The following ARHGEF10L variants were observed in gnomAD, a reference collection of about 807,000 sequenced individuals.
ARHGEF10L encodes rho guanine nucleotide exchange factor 10-like protein.
ARHGEF10L carries 69 observed loss-of-function variants against 141.2 expected under a neutral mutation model. The observed-to-expected ratio is 0.49, with a 90% CI of 0.40 to 0.60. The LOEUF is 0.60. Among genes scored for constraint, ARHGEF10L ranks in the 20% least tolerant of loss-of-function variants. The probability of loss-of-function intolerance (pLI) is 0.00; values close to 1 mark genes in which losing one functional copy is unlikely to be tolerated. For missense variants in ARHGEF10L, 1,482 were observed against 1,734.3 expected (o/e 0.85, Z 2.58); for synonymous variants, 711 against 718.5 (o/e 0.99, Z 0.17).
intron 4 of ARHGEF10L, among the ~76,000 whole-genome samples, chr1:17,592,242 C>G (rs1557766143): frequency 6.6e-6 from 1 of 152,226 alleles, no homozygotes; most frequent in Non-Finnish European, 1.5e-5. Context: ...GGACTCTGGC[C>G]CCCTCTGGAG....
At chr1:17,576,235 G>T (rs911736629) in intron 1 of ARHGEF10L, among the ~76,000 whole-genome samples, 1 of 152,132 alleles carries the variant, frequency 6.6e-6, no homozygotes, top group Non-Finnish European at 1.5e-5. Context: ...TTTCCTAGTG[G>T]GGCCTCTGGG....
chr1:17,693,095 G>T (rs535260668), intron 27 of ARHGEF10L, among the ~76,000 whole-genome samples: 1 of 152,228 alleles, frequency 6.6e-6, no homozygotes, highest in South Asian at 2.1e-4. Flanking sequence ...TTCTGTTTTT[G>T]TTTCCTGTAT....
intron 7 of ARHGEF10L, among the ~76,000 whole-genome samples, chr1:17,609,220 G>A (rs1400578932): frequency 1.3e-5 from 2 of 152,210 alleles, no homozygotes; most frequent in Non-Finnish European, 1.5e-5. Context: ...CACTCTGGGA[G>A]AGGCATGCTG....
chr1:17,542,562 C>T (rs2076767750), intron 1 of ARHGEF10L, among the ~76,000 whole-genome samples: 2 of 152,072 alleles, frequency 1.3e-5, no homozygotes, highest in Admixed American at 1.3e-4. Flanking sequence ...TAAGCATGTA[C>T]CTCTTACACA....
chr1:17,624,902 TG>T (rs1557858479), intron 13 of ARHGEF10L, among the ~76,000 whole-genome samples: 1 of 152,214 alleles, frequency 6.6e-6, no homozygotes, highest in African/African-American at 2.4e-5. Flanking sequence ...AGGGGTATCT[TG>T]GGCATTGCTT....
chr1:17,696,805 C>T (rs2102628804), intron 28 of ARHGEF10L, 43 bp from the exon 29 acceptor site: 1 of 1,505,820 alleles, frequency 6.6e-7, no homozygotes, highest in Admixed American at 2.2e-5. Flanking sequence ...CCTTAATGCG[C>T]TGGGCCTTTG....
At position 17,640,314 on chromosome 1, in the gene ARHGEF10L, C is replaced by T. The variant is rs1241356848; in HGVS notation, c.2272+12C>T. On this transcript the variant is annotated intron_variant, in intron 21 of 28. Coordinates refer to ENST00000361221, the MANE Select transcript of ARHGEF10L (RefSeq NM_018125.4). ...CAAAATCGGACTCCGTGAGTATAGC[C>T]CCAGGGAGAGTGCCTCAGGGGGCAG... 1.9e-6 allele frequency: 3 copies of T among 1,603,998 alleles called. No homozygotes were observed. The highest frequency in any genetic ancestry group is 2.6e-6 in the Non-Finnish European group (3 of 1,173,510).
rs1223470951 is a variant in ARHGEF10L, at chr1:17,558,475, C to T, written c.-44+18525C>T. 6.6e-6 allele frequency among the ~76,000 whole-genome samples: 1 copy of T among 152,208 alleles called. No homozygotes were observed. Among genetic ancestry groups the T allele is most frequent in the African/African-American group, 2.4e-5 (1 of 41,446 alleles). ...CCAGAGTGTTAGGTGCCCAGAGGGA[C>T]AAGTGGCCAGCTGTCTGTCCCAGTG... On this transcript the variant is annotated intron_variant, in intron 1 of 28. Coordinates refer to ENST00000361221, the MANE Select transcript of ARHGEF10L (RefSeq NM_018125.4). The surrounding 1 kb of genome is among the most constrained non-coding windows in gnomAD (Gnocchi z 4.2).
At chr1:17,557,681 C>T (rs2077388389) in intron 1 of ARHGEF10L, among the ~76,000 whole-genome samples, 1 of 152,196 alleles carries the variant, frequency 6.6e-6, no homozygotes, top group Admixed American at 6.5e-5. Context: ...TGTCTCGAGG[C>T]CTGTGATGGA....
rs528838043 is a variant in ARHGEF10L, at chr1:17,654,845, A to G, written c.2481+123A>G. 6.1e-4 allele frequency: 577 copies of G among 941,324 alleles called. 2 individuals carry two copies. Among genetic ancestry groups the G allele is most frequent in the Non-Finnish European group, 9.1e-4 (536 of 591,424 alleles). The allele number at this position is 941,324 out of a possible 1,614,324, so 58.3% of individuals were successfully genotyped here. A position where few individuals can be genotyped will look rare whatever the true frequency, so the allele number is the denominator to read the frequency against. On this transcript the variant is annotated intron_variant, in intron 23 of 28. Coordinates refer to ENST00000361221, the MANE Select transcript of ARHGEF10L (RefSeq NM_018125.4). The surrounding 1 kb of genome is among the most constrained non-coding windows in gnomAD (Gnocchi z 4.3). ...CTCATCTCATGCAGCTTCATCCACC[A>G]AGGTCTTCCTGGGCACCTCTGGTGC... is the stretch of plus-strand genomic sequence containing the variant.
chr1:17,597,325 A>G (rs1454021358), intron 4 of ARHGEF10L, among the ~76,000 whole-genome samples: 1 of 151,950 alleles, frequency 6.6e-6, no homozygotes, highest in East Asian at 1.9e-4. Context: ...GTTTGTTCAC[A>G]GGGAGAATTA....
intron 22 of ARHGEF10L, among the ~76,000 whole-genome samples, chr1:17,653,559 C>T (rs893923867): frequency 5.3e-5 from 8 of 152,216 alleles, no homozygotes; most frequent in Admixed American, 6.5e-5. Context: ...ATGCTGCCAC[C>T]AGGAAGCAGA....
In ARHGEF10L at chr1:17,687,606, A is replaced by C. The variant is rs370036029; in HGVS notation, c.3043A>C (p.Ser1015Arg). The C allele has an allele frequency of 1.6e-5, 26 of 1,612,988 alleles. No homozygotes were observed. The highest frequency in any genetic ancestry group is 2.1e-5 in the Non-Finnish European group (25 of 1,179,918). ...SFEAHQDEAV[S>R]VTHMVKAGSG... ...CGAGGCGCACCAGGACGAGGCAGTG[A>C]GCGTGACACACATGGTGAAGGCGGG... Residue 1015 changes from serine to arginine, a missense_variant, in exon 27 of 29, where the codon AGC (serine) becomes CGC (arginine). Transcript: ENST00000361221.
At chr1:17,653,729 A>G (rs2062068906) in intron 22 of ARHGEF10L, among the ~76,000 whole-genome samples, 1 of 152,232 alleles carries the variant, frequency 6.6e-6, no homozygotes, top group African/African-American at 2.4e-5. Context: ...AAGAGCCCTG[A>G]ACCAGATGTT....
At chr1:17,652,694 C>T (rs1224759645) in intron 22 of ARHGEF10L, among the ~76,000 whole-genome samples, 2 of 152,136 alleles carry the variant, frequency 1.3e-5, no homozygotes, top group Non-Finnish European at 2.9e-5. Context: ...GGAGGGGTGG[C>T]AGGAGGGCAG....
rs71014975 is a variant in ARHGEF10L, at chr1:17,581,309, C to CAAAAAAAAAAAAAA, written c.37+687_37+700dup. 1.7e-4 allele frequency among the ~76,000 whole-genome samples: 12 copies of CAAAAAAAAAAAAAA among 69,256 alleles called. 1 individual carries two copies. Among genetic ancestry groups the CAAAAAAAAAAAAAA allele is most frequent in the East Asian group, 5.2e-4 (1 of 1,906 alleles). The allele number at this position is 69,256 out of a possible 152,430, so 45.4% of individuals were successfully genotyped here. ...CCTGGGTGACAGAGCAAGACTGTCT[C>CAAAAAAAAAAAAAA]AAAAAAAAAAAAAAAAAAAAAAAGA... On this transcript the variant is annotated intron_variant, in intron 2 of 28. Coordinates refer to ENST00000361221, the MANE Select transcript of ARHGEF10L (RefSeq NM_018125.4).
chr1:17,644,256 G>A lies in ARHGEF10L; in HGVS notation c.2272+3954G>A, dbSNP rs997964168. 5.3e-5 allele frequency among the ~76,000 whole-genome samples: 8 copies of A among 152,332 alleles called. No individual in the cohort carries two copies. The highest frequency in any genetic ancestry group is 1.0e-4 in the Non-Finnish European group (7 of 68,026). ...TCCGGCCCATAGTCGTCACACTGAC[G>A]CCAATATTCCTTCCGGGATGACTCC... On this transcript the variant is annotated intron_variant, in intron 21 of 28. Coordinates refer to ENST00000361221, the MANE Select transcript of ARHGEF10L (RefSeq NM_018125.4). This position sits in a 1 kb window ranked among gnomAD's most constrained non-coding sequence, Gnocchi z 4.5.
At chr1:17,616,603 C>T (rs1034636695) in intron 9 of ARHGEF10L, among the ~76,000 whole-genome samples, 3 of 152,252 alleles carry the variant, frequency 2.0e-5, no homozygotes. Context: ...AGCGCCACAG[C>T]CTGTGCTGCA....
At position 17,552,452 on chromosome 1, in the gene ARHGEF10L, G is replaced by A. The variant is rs896844270; in HGVS notation, c.-44+12502G>A. The stretch of plus-strand genomic sequence containing the variant: ...TCTCACTGTGTCACCCGGCTGCAGT[G>A]CAGTGGCATGTTCTTGGCTCACTGC... On this transcript the variant is annotated intron_variant, in intron 1 of 28. Coordinates refer to ENST00000361221, the MANE Select transcript of ARHGEF10L (RefSeq NM_018125.4). Among the ~76,000 whole-genome samples, 6 of 151,666 alleles carry A rather than the reference G, an allele frequency of 4.0e-5. No individual in the cohort carries two copies. In the East Asian group the frequency reaches 7.7e-4, roughly 20 times the overall value.
Sources: allele counts gnomAD v4.1 joint callset (sites outside exome capture counted in the v4.1 genomes callset), GRCh38; gene constraint gnomAD v4.1.1; non-coding constraint Gnocchi (gnomAD v3.1); transcripts MANE v1.5; gene names NCBI Gene and HGNC (gene_info 2026-07-23, HGNC 2026-07-21).